Variants in ZBTB20 observed in about 807,000 individuals in gnomAD.
ZBTB20 encodes the protein zinc finger and BTB domain-containing protein 20.
Under a neutral mutation model 56.9 loss-of-function variants are expected in ZBTB20, and 9 were observed. The ratio of observed to expected loss-of-function variants is 0.16; its 90% CI spans 0.10 to 0.28. The LOEUF is 0.28. Among genes scored for constraint, ZBTB20 ranks in the 10% least tolerant of loss-of-function variants. The pLI is 1.00. For missense variants in ZBTB20, 655 were observed against 1,003.0 expected, an observed-to-expected ratio of 0.65 and a Z score of 4.69; for synonymous variants, 417 against 420.7, an observed-to-expected ratio of 0.99 and a Z score of 0.11.
chr3:114,467,215 C>A (rs1220361064), intron 7 of ZBTB20, among the ~76,000 whole-genome samples: 1 of 152,106 alleles, frequency 6.6e-6, no homozygotes, highest in Non-Finnish European at 1.5e-5. Context: ...CCCACATGTG[C>A]AGTACCAGAG....
intron 3 of ZBTB20, among the ~76,000 whole-genome samples, chr3:114,914,642 G>C (rs912355638): frequency 6.6e-6 from 1 of 151,950 alleles, no homozygotes; most frequent in Non-Finnish European, 1.5e-5. Flanking sequence ...TCATGTTCCA[G>C]ATCTTAGGGT....
chr3:114,500,200 C>T (rs1358367204), intron 7 of ZBTB20, among the ~76,000 whole-genome samples, 152 bp downstream of exon 7: 1 of 152,226 alleles, frequency 6.6e-6, no homozygotes, highest in Non-Finnish European at 1.5e-5. Flanking sequence ...TTACCACCAA[C>T]AGCATACACT....
rs767490349 is a variant in ZBTB20, at chr3:114,948,630, C to G, written c.-456+25736G>C. Among the ~76,000 whole-genome samples the G allele has an allele frequency of 4.8e-5, 7 of 144,866 alleles. 1 individual carries two copies. The highest frequency in any genetic ancestry group is 8.6e-5 in the African/African-American group (3 of 35,012). On this transcript the variant is annotated intron_variant, in intron 3 of 11. Transcript: ENST00000675478. ...TCTCTTTCTGACTCTCTCTCTCTCT[C>G]TGTGTCATAGATAGATAGATAGATA...
intron 6 of ZBTB20, among the ~76,000 whole-genome samples, chr3:114,691,150 A>G (rs940211381): frequency 2.6e-5 from 4 of 152,196 alleles, no homozygotes; most frequent in African/African-American, 9.6e-5. Context: ...AGATTTTACA[A>G]TCAACTGTTA....
At chr3:115,080,514 T>C (rs2082759822) in intron 1 of ZBTB20, among the ~76,000 whole-genome samples, 1 of 152,192 alleles carries the variant, frequency 6.6e-6, no homozygotes, top group Admixed American at 6.6e-5. Context: ...AGAGCCTGTT[T>C]AGTATAGTAA....
chr3:114,735,300 C>T (rs891198950), intron 5 of ZBTB20, among the ~76,000 whole-genome samples: 62 of 152,050 alleles, frequency 4.1e-4, no homozygotes, highest in African/African-American at 1.3e-3. Context: ...GAGGATTCTG[C>T]TTGTTTAAAA....
At chr3:114,543,821 T>C (rs573085502) in intron 6 of ZBTB20, among the ~76,000 whole-genome samples, 1 of 152,368 alleles carries the variant, frequency 6.6e-6, no homozygotes, top group East Asian at 1.9e-4. Context: ...TTCTCTTTTA[T>C]AATAGCTTAA....
At chr3:114,466,208 CAT>C (rs1471803551) in intron 7 of ZBTB20, among the ~76,000 whole-genome samples, 1 of 152,070 alleles carries the variant, frequency 6.6e-6, no homozygotes. Flanking sequence ...ATATGTATGA[CAT>C]ATGTAACTAA....
intron 2 of ZBTB20, among the ~76,000 whole-genome samples, chr3:114,995,522 T>C (rs2078989870): frequency 6.6e-6 from 1 of 151,766 alleles, no homozygotes; most frequent in African/African-American, 2.4e-5. Context: ...AGACAAAAAA[T>C]CATATAAAGA....
chr3:114,961,204 G>T (rs528133238), intron 3 of ZBTB20, among the ~76,000 whole-genome samples: 5 of 143,048 alleles, frequency 3.5e-5, no homozygotes, highest in South Asian at 4.4e-4. Flanking sequence ...CACCATACTC[G>T]TTTTTTTTTT....
intron 9 of ZBTB20, 116 bp from the exon 10 acceptor site, chr3:114,380,520 T>C: frequency 8.2e-7 from 1 of 1,224,312 alleles, no homozygotes; most frequent in Non-Finnish European, 1.1e-6. Context: ...TGGGAGGGAG[T>C]CCAGTATGTC....
At chr3:114,904,706 A>G (rs2075256843) in intron 3 of ZBTB20, among the ~76,000 whole-genome samples, 2 of 151,972 alleles carry the variant, frequency 1.3e-5, no homozygotes, top group Non-Finnish European at 2.9e-5. Context: ...ACTTATGCTT[A>G]TTTTGTAAAT....
chr3:114,700,027 T>C, intron 5 of ZBTB20, among the ~76,000 whole-genome samples: 1 of 152,172 alleles, frequency 6.6e-6, no homozygotes, highest in East Asian at 1.9e-4. Context: ...TCTTACATTA[T>C]GTAAAATGTT....
At chr3:114,664,282 A>C (rs992198481) in intron 6 of ZBTB20, among the ~76,000 whole-genome samples, 1 of 152,082 alleles carries the variant, frequency 6.6e-6, no homozygotes, top group Non-Finnish European at 1.5e-5. Flanking sequence ...CCACACAAAC[A>C]TTGTAGTGAA....
At chr3:114,714,138 C>T (rs2108454671) in intron 5 of ZBTB20, 1 of 152,602 alleles carries the variant, frequency 6.6e-6, no homozygotes, top group African/African-American at 2.4e-5. Flanking sequence ...TCATCCTAGA[C>T]AGAAATACTG....
At chr3:114,799,464 T>A (rs2071563588) in intron 5 of ZBTB20, among the ~76,000 whole-genome samples, 1 of 151,924 alleles carries the variant, frequency 6.6e-6, no homozygotes, top group Non-Finnish European at 1.5e-5. Context: ...TCCTTTATCA[T>A]CTTCTTCCTG....
rs2079098174 is a variant in ZBTB20 at position 114,327,405 on chromosome 3, T to A, written c.*11600A>T. 6.6e-6 allele frequency: 1 copy of A among 151,826 alleles called. No individual in the cohort carries two copies. Among genetic ancestry groups the A allele is most frequent in the Non-Finnish European group, 1.5e-5 (1 of 67,982 alleles). 9.4% of individuals were successfully genotyped at this position (151,826 alleles called of 1,614,324 possible). Reference sequence around the variant, plus strand: ...GAGTCTTTCTTCCTTTGGAAGCCAGTGCCTAAGGAGAGGATTACTTTAGAT... The same window carrying A: ...GAGTCTTTCTTCCTTTGGAAGCCAGAGCCTAAGGAGAGGATTACTTTAGAT... On this transcript the variant is annotated 3_prime_UTR_variant, in exon 12 of 12. Transcript: ENST00000675478.
chr3:114,460,805 T>C (rs549892825), intron 7 of ZBTB20, among the ~76,000 whole-genome samples: 17 of 152,332 alleles, frequency 1.1e-4, no homozygotes, highest in African/African-American at 3.8e-4. Context: ...AGTTGAAATA[T>C]TTCTTAGCTC....
At chr3:114,656,405 T>A (rs903489773) in intron 6 of ZBTB20, among the ~76,000 whole-genome samples, 4 of 152,370 alleles carry the variant, frequency 2.6e-5, no homozygotes, top group Non-Finnish European at 5.9e-5. Flanking sequence ...AATCATTTTT[T>A]ATTTCAGATT....
Sources: gnomAD v4.1 joint callset for allele counts (sites outside exome capture counted in the v4.1 genomes callset) on GRCh38, gnomAD v4.1.1 for gene constraint, MANE v1.5 for transcripts, NCBI Gene and HGNC (gene_info 2026-07-23, HGNC 2026-07-21) for gene names.